PTPRR: variants seen among roughly 807,000 people sequenced by gnomAD.
PTPRR encodes the protein protein tyrosine phosphatase receptor type R, also known as receptor-type tyrosine-protein phosphatase R.
PTPRR carries 38 observed loss-of-function variants against 77.2 expected under a neutral mutation model. That is an observed-to-expected ratio of 0.49 (90% CI 0.38 to 0.65). The LOEUF is 0.65. PTPRR is among the 30% of genes least tolerant of loss of function. The pLI is 0.00. For synonymous variants in PTPRR, 299 were observed against 283.1 expected, an observed-to-expected ratio of 1.06 and a Z score of -0.57; for missense variants, 744 against 799.2, an observed-to-expected ratio of 0.93 and a Z score of 0.83.
intron 1 of PTPRR, among the ~76,000 whole-genome samples, chr12:70,906,602 A>T (rs1893626158): frequency 6.6e-6 from 1 of 152,080 alleles, no homozygotes; most frequent in South Asian, 2.1e-4. Context: ...GTTAGTTAGG[A>T]TAACCTCCCA....
intron 2 of PTPRR, chr12:70,788,849 T>C (rs1255790392): frequency 6.6e-7 from 1 of 1,525,070 alleles, no homozygotes; most frequent in African/African-American, 1.4e-5. Context: ...TGTGATGAAG[T>C]CGACTTCCAT....
chr12:70,647,134 C>T (rs185491828), intron 13 of PTPRR, among the ~76,000 whole-genome samples: 70 of 151,394 alleles, frequency 4.6e-4, no homozygotes, highest in African/African-American at 1.6e-3. Flanking sequence ...ATCCTTGACT[C>T]TTAAAAAGAA....
At chr12:70,877,359 A>G (rs1362740052) in intron 2 of PTPRR, among the ~76,000 whole-genome samples, 2 of 152,190 alleles carry the variant, frequency 1.3e-5, no homozygotes, top group Non-Finnish European at 2.9e-5. Context: ...GTCAATTATC[A>G]TCATGGTCAT....
chr12:70,761,798 A>G (rs1890697703), intron 3 of PTPRR, among the ~76,000 whole-genome samples, 172 bp from the exon 4 acceptor site: 1 of 152,216 alleles, frequency 6.6e-6, no homozygotes, highest in African/African-American at 2.4e-5. Context: ...TTACCAGTCC[A>G]AAGTCTAAAA....
intron 1 of PTPRR, among the ~76,000 whole-genome samples, chr12:70,896,991 A>C (rs1893440118): frequency 6.6e-6 from 1 of 151,888 alleles, no homozygotes; most frequent in Admixed American, 6.6e-5. Context: ...TGGTACCAGT[A>C]CCATGCTGTT....
chr12:70,764,777 G>A lies in PTPRR; in HGVS notation c.359C>T (p.Thr120Ile). ...CAGCTTGTTTACATCCATTTGCAGT[G>A]TCTAGAAAATAAGGACAAAAATAAA... is the stretch of plus-strand genomic sequence containing the variant. The part of the protein sequence containing the change: ...PIPAANVIVV[T>I]LQMDVNKLNI... The change falls in exon 3 of 14, where the codon ACA (threonine) becomes ATA (isoleucine). Residue 120 changes from threonine to isoleucine, a missense_variant and splice_region_variant. Coordinates refer to ENST00000283228, the MANE Select transcript of PTPRR (RefSeq NM_002849.4). 1 of 1,608,520 alleles carries A rather than the reference G, an allele frequency of 6.2e-7. No homozygotes were observed. The highest frequency in any genetic ancestry group is 8.5e-7 in the Non-Finnish European group (1 of 1,174,940).
At chr12:70,853,620 A>G (rs1210087646) in intron 2 of PTPRR, among the ~76,000 whole-genome samples, 1 of 152,136 alleles carries the variant, frequency 6.6e-6, no homozygotes, top group Non-Finnish European at 1.5e-5. Flanking sequence ...CCTGACCGCA[A>G]ATATGCTTTT....
chr12:70,888,112 T>G (rs1394733433), intron 2 of PTPRR, among the ~76,000 whole-genome samples: 1 of 151,776 alleles, frequency 6.6e-6, no homozygotes, highest in African/African-American at 2.4e-5. Context: ...GTGGATACAG[T>G]GACTAGTTAG....
chr12:70,908,009 A>G (rs4587810), intron 1 of PTPRR, among the ~76,000 whole-genome samples: 97,481 of 152,054 alleles, frequency 0.64, 33,429 homozygotes, highest in African/African-American at 0.9. Flanking sequence ...AATTCTATAC[A>G]TCGTTCATTG....
intron 2 of PTPRR, among the ~76,000 whole-genome samples, chr12:70,863,856 C>T (rs1042051969): frequency 6.6e-6 from 1 of 152,122 alleles, no homozygotes; most frequent in Admixed American, 6.6e-5. Flanking sequence ...GTGCCCAAAG[C>T]GAAACTCTTG....
intron 2 of PTPRR, among the ~76,000 whole-genome samples, chr12:70,810,130 C>T (rs1217570711): frequency 1.3e-5 from 2 of 152,182 alleles, no homozygotes; most frequent in Non-Finnish European, 2.9e-5. Flanking sequence ...GGACTATTCC[C>T]TTATAAATAC....
intron 2 of PTPRR, among the ~76,000 whole-genome samples, chr12:70,821,151 TC>T (rs1892001072): frequency 6.6e-6 from 1 of 151,156 alleles, no homozygotes; most frequent in African/African-American, 2.4e-5. Flanking sequence ...TGTGCTTCTT[TC>T]AAGAGATACA....
At chr12:70,693,423 A>T (rs775419970) in intron 8 of PTPRR, among the ~76,000 whole-genome samples, 1 of 152,084 alleles carries the variant, frequency 6.6e-6, no homozygotes, top group African/African-American at 2.4e-5. Context: ...CAGCCTCCCA[A>T]GTAGCTGGGA....
intron 2 of PTPRR, among the ~76,000 whole-genome samples, chr12:70,809,708 G>A (rs908686890): frequency 6.6e-6 from 1 of 151,948 alleles, no homozygotes; most frequent in Non-Finnish European, 1.5e-5. Flanking sequence ...TTTATTTTTT[G>A]TTGATGAACT....
In PTPRR at chr12:70,684,701, T is replaced by C. The variant is rs770394390; in HGVS notation, c.1359+3A>G. The C allele has an allele frequency of 1.0e-5, 16 of 1,554,806 alleles. No homozygotes were observed. The highest frequency in any genetic ancestry group is 1.7e-4 in the Middle Eastern group (1 of 5,844). On this transcript the variant is annotated splice_donor_region_variant and intron_variant, in intron 9 of 13. Coordinates refer to ENST00000283228, the MANE Select transcript of PTPRR (RefSeq NM_002849.4). ...AGAAAGAAATTTGTACTTATTTACT[T>C]ACCCTAATATAATTAGCATTAATGT... is the stretch of plus-strand genomic sequence containing the variant.
At chr12:70,693,086 T>A (rs1431250769) in intron 8 of PTPRR, among the ~76,000 whole-genome samples, 2 of 152,158 alleles carry the variant, frequency 1.3e-5, no homozygotes, top group African/African-American at 4.8e-5. Flanking sequence ...ATCCACTGAT[T>A]GTTAGAAGTT....
intron 3 of PTPRR, among the ~76,000 whole-genome samples, chr12:70,764,424 A>G (rs1247465147): frequency 6.6e-6 from 1 of 152,160 alleles, no homozygotes; most frequent in African/African-American, 2.4e-5. Flanking sequence ...CAGATGATAA[A>G]CAGTTTAGGC....
chr12:70,716,320 TTGTC>T (rs1362772515), intron 6 of PTPRR, among the ~76,000 whole-genome samples: 1 of 148,564 alleles, frequency 6.7e-6, no homozygotes, highest in Non-Finnish European at 1.5e-5. Flanking sequence ...TTTTTTTCTA[TTGTC>T]TGTCTTCTAA....
At chr12:70,804,789 G>T (rs1369629098) in intron 2 of PTPRR, among the ~76,000 whole-genome samples, 1 of 152,178 alleles carries the variant, frequency 6.6e-6, no homozygotes, top group African/African-American at 2.4e-5. Flanking sequence ...CAGCCTTGAT[G>T]AACGTGCGAA....
Sources: gnomAD v4.1 joint callset for allele counts (sites outside exome capture counted in the v4.1 genomes callset) on GRCh38, gnomAD v4.1.1 for gene constraint, MANE v1.5 for transcripts, NCBI Gene and HGNC (gene_info 2026-07-23, HGNC 2026-07-21) for gene names.